The following CIZ1 variants were observed in gnomAD, a reference collection of about 807,000 sequenced individuals.
The protein encoded by CIZ1 is cip1-interacting zinc finger protein.
Under a neutral mutation model 118.6 loss-of-function variants are expected in CIZ1, and 58 were observed. The ratio of observed to expected loss-of-function variants is 0.49; its 90% CI spans 0.40 to 0.61. The LOEUF (loss-of-function observed/expected upper bound fraction) is 0.61. CIZ1 is among the 20% of genes least tolerant of loss of function. The pLI is 0.00. For missense variants in CIZ1, 921 were observed against 1,115.9 expected, an observed-to-expected ratio of 0.83 and a Z score of 2.49; for synonymous variants, 448 against 443.4, an observed-to-expected ratio of 1.01 and a Z score of -0.13.
In CIZ1 at chr9:128,173,879, G is replaced by A. The variant is rs545060350; in HGVS notation, c.1943+2472C>T. ...AAATTAGCCGGGCCTAGTGGTAGGCGCCTGTAGTCCCAGCTACTCGGGAGG... is the reference window on the plus strand; with the variant it reads ...AAATTAGCCGGGCCTAGTGGTAGGCACCTGTAGTCCCAGCTACTCGGGAGG... On this transcript the variant is annotated intron_variant, in intron 11 of 16. Coordinates refer to ENST00000372938, the MANE Select transcript of CIZ1 (RefSeq NM_001131016.2). Among the ~76,000 whole-genome samples, 168 of 152,152 alleles carry A rather than the reference G, an allele frequency of 1.1e-3. 2 individuals are homozygous for A. The highest frequency in any genetic ancestry group is 3.7e-3 in the African/African-American group (153 of 41,520).
At chr9:128,176,264 A>C (rs1588156948) in intron 11 of CIZ1, 87 bp downstream of exon 11, 1 of 1,535,284 alleles carries the variant, frequency 6.5e-7, no homozygotes, top group Non-Finnish European at 8.9e-7. Flanking sequence ...CTTAACCCAA[A>C]GGTAAACCCT....
intron 6 of CIZ1, 97 bp downstream of exon 6, chr9:128,180,624 C>T: frequency 7.4e-7 from 1 of 1,354,326 alleles, no homozygotes; most frequent in Non-Finnish European, 1.0e-6. Context: ...CACCAAGAAC[C>T]CCTGCCTCCC....
intron 11 of CIZ1, 69 bp from the exon 12 acceptor site, chr9:128,170,176 A>G (rs536642208): frequency 1.6e-5 from 21 of 1,338,428 alleles, no homozygotes; most frequent in Admixed American, 3.5e-5. Flanking sequence ...AGAGCGCTCC[A>G]TAAGTGTAAT....
intron 3 of CIZ1, among the ~76,000 whole-genome samples, chr9:128,188,720 G>C (rs7865893): frequency 6.6e-6 from 1 of 151,620 alleles, no homozygotes; most frequent in Admixed American, 6.6e-5. Flanking sequence ...AGCAACCCCC[G>C]CCTCCTGGGT....
chr9:128,177,537 C>T, intron 10 of CIZ1, 29 bp downstream of exon 10: 2 of 1,153,048 alleles, frequency 1.7e-6, no homozygotes, highest in Non-Finnish European at 2.4e-6. Context: ...GGCCCCACCC[C>T]TCCCCACCCT....
chr9:128,167,850 C>T (rs1023747790), intron 14 of CIZ1, among the ~76,000 whole-genome samples: 15 of 152,200 alleles, frequency 9.9e-5, no homozygotes, highest in African/African-American at 3.6e-4. Context: ...CTAAGCCCTT[C>T]CTAGGACCAA....
chr9:128,193,967 G>A (rs1284307725), upstream of CIZ1, among the ~76,000 whole-genome samples: 2 of 152,168 alleles, frequency 1.3e-5, no homozygotes, highest in South Asian at 2.1e-4. Flanking sequence ...AATTGCCAAA[G>A]TGAAAAAACT....
Position 128,203,500 on chromosome 9 carries a change from C to T in CIZ1, c.-6+686G>A. 6.5e-7 allele frequency: 1 copy of T among 1,533,494 alleles called. No homozygotes were observed. Among genetic ancestry groups the T allele is most frequent in the Non-Finnish European group, 8.7e-7 (1 of 1,143,452 alleles). The allele number at this position is 1,533,494 out of a possible 1,614,324, so 95.0% of individuals were successfully genotyped here. A position where few individuals can be genotyped will look rare whatever the true frequency, so the allele number is the denominator to read the frequency against. ...GCAACCGCGGCATGGAAGATCTCATCCCGCTGGTCAACCGGCTGCAAGACG... is the reference window on the plus strand; with the variant it reads ...GCAACCGCGGCATGGAAGATCTCATTCCGCTGGTCAACCGGCTGCAAGACG... On this transcript the variant is annotated intron_variant, in intron 1 of 17. Coordinates refer to the CIZ1 transcript ENST00000372948. This position sits in a 1 kb window ranked among gnomAD's most constrained non-coding sequence, Gnocchi z 5.3.
In CIZ1 at chr9:128,176,423, A is replaced by T; in HGVS notation, c.1871T>A (p.Ile624Asn). ...GAGGCAGGCTTGGCTCATGTGCTGG[A>T]TCTCCCCTAGCCGCTGCTGGTGCTG... ...EPQHQQRLGE[I>N]QHMSQACLLS... Residue 624 changes from isoleucine (I) to asparagine (N), a missense_variant, in exon 11 of 17, where the codon ATC becomes AAC. Physicochemically the swap from Ile to Asn is moderately radical, Grantham distance 149 (BLOSUM62 -3). Coordinates refer to ENST00000372938, the MANE Select transcript of CIZ1 (RefSeq NM_001131016.2). 6.2e-7 allele frequency: 1 copy of T among 1,613,840 alleles called. No homozygotes were observed. The highest frequency in any genetic ancestry group is 1.1e-5 in the South Asian group (1 of 91,070).
chr9:128,169,657 T>G (rs759174857), intron 12 of CIZ1, 138 bp from the exon 13 acceptor site: 35 of 1,541,048 alleles, frequency 2.3e-5, no homozygotes, highest in Non-Finnish European at 3.0e-5. Flanking sequence ...GCTCCACCCC[T>G]GCACTGGAAC....
intron 1 of CIZ1, chr9:128,198,065 G>A (rs1053196484): frequency 6.6e-6 from 1 of 152,292 alleles, no homozygotes; most frequent in Non-Finnish European, 1.5e-5. Flanking sequence ...GGCTGATGGG[G>A]AGCCCTTCAA....
rs771467210 is a variant in CIZ1 at position 128,169,079 on chromosome 9, G to A, written c.2268C>T (p.Ile756=). 10 of 1,613,994 alleles carry A rather than the reference G, an allele frequency of 6.2e-6. No individual in the cohort carries two copies. Among genetic ancestry groups the A allele is most frequent in the Middle Eastern group, 1.6e-4 (1 of 6,062 alleles). ...EEEDDEDEEE[I]EVEEELCKQV... ...GCTTGCAGAGTTCCTCCTCAACCTC[G>A]ATCTCTTCTTCATCCTCATCATCCT... Residue 756 remains isoleucine (I), a synonymous_variant, in exon 14 of 17, where the codon ATC becomes ATT. Coordinates refer to ENST00000372938, the MANE Select transcript of CIZ1 (RefSeq NM_001131016.2).
chr9:128,204,192 G>C (rs1833724625), exon 1 of CIZ1: 1 of 152,724 alleles, frequency 6.5e-6, no homozygotes, highest in Admixed American at 6.5e-5. Flanking sequence ...ACACCTCTGC[G>C]GCTCCCGCCG....
Position 128,189,032 on chromosome 9 carries a change from C to T in CIZ1, c.287-1098G>A, listed in dbSNP as rs962821226. On this transcript the variant is annotated intron_variant, in intron 3 of 16. Coordinates refer to ENST00000372938, the MANE Select transcript of CIZ1 (RefSeq NM_001131016.2). ...CAGGATGGTCTCGATCTCCTGACCT[C>T]GTGATCCGCCCACCTCGGTCGGCCT... Among the ~76,000 whole-genome samples, 3 of 152,014 alleles carry T rather than the reference C, an allele frequency of 2.0e-5. No individual in the cohort carries two copies. The East Asian group carries it at 5.8e-4, about 29-fold the overall frequency.
At chr9:128,177,473 G>A in intron 10 of CIZ1, 93 bp downstream of exon 10, 5 of 851,542 alleles carry the variant, frequency 5.9e-6, no homozygotes, top group Non-Finnish European at 8.6e-6. Context: ...GCTTGGGGCA[G>A]GGCCCATTGC....
Position 128,174,272 on chromosome 9 carries a change from T to G in CIZ1, c.1943+2079A>C, listed in dbSNP as rs571962568. 7.9e-4 allele frequency among the ~76,000 whole-genome samples: 121 copies of G among 152,296 alleles called. 1 individual carries two copies. Among genetic ancestry groups the G allele is most frequent in the African/African-American group, 2.7e-3 (111 of 41,556 alleles). ...ACCTTATCCCTGGCCAGGGGATTGCTTCAGAAACGTGCACGTGACCACAAT... is the reference window on the plus strand; with the variant it reads ...ACCTTATCCCTGGCCAGGGGATTGCGTCAGAAACGTGCACGTGACCACAAT... On this transcript the variant is annotated intron_variant, in intron 11 of 16. Transcript: ENST00000372938.
At chr9:128,183,900 G>A (rs1003650145) in intron 5 of CIZ1, among the ~76,000 whole-genome samples, 1 of 152,004 alleles carries the variant, frequency 6.6e-6, no homozygotes, top group Admixed American at 6.6e-5. Context: ...CTGAGTAGCT[G>A]GAATTACAGG....
intron 1 of CIZ1, among the ~76,000 whole-genome samples, chr9:128,200,713 T>C (rs1833492234): frequency 6.6e-6 from 1 of 151,168 alleles, no homozygotes. Flanking sequence ...GGTGCATGCC[T>C]GTAGTCCCAG....
Position 128,169,430 on chromosome 9 carries a change from CT to C in CIZ1, c.2120del (p.Gln707ArgfsTer10). ...PRKFVEHVKS[Q>X]GHKDKAKELK... ...CCTCCTTGGCTTTGTCCTTATGCCC[CT>C]GGGACTTCACGTGCTCCACAAACTT... On this transcript the variant is annotated frameshift_variant, in exon 13 of 17. Transcript: ENST00000372938. LOFTEE classifies it high-confidence loss of function. The C allele has an allele frequency of 6.2e-7, 1 of 1,614,176 alleles. No individual in the cohort carries two copies. Among genetic ancestry groups the C allele is most frequent in the Non-Finnish European group, 8.5e-7 (1 of 1,180,026 alleles).
Sources: gnomAD v4.1 joint callset for allele counts (sites outside exome capture counted in the v4.1 genomes callset) on GRCh38, gnomAD v4.1.1 for gene constraint, Gnocchi (gnomAD v3.1) non-coding constraint, MANE v1.5 for transcripts, NCBI Gene and HGNC (gene_info 2026-07-23, HGNC 2026-07-21) for gene names.